The following MON2 variants were observed in gnomAD, a reference collection of about 807,000 sequenced individuals.
The protein encoded by MON2 is protein MON2 homolog.
MON2 carries 84 observed loss-of-function variants against 208.6 expected under a neutral mutation model. The observed-to-expected ratio is 0.40, with a 90% confidence interval of 0.34 to 0.48. MON2 has a LOEUF of 0.48. Ranked by LOEUF, MON2 falls within the 20% of genes least tolerant of loss-of-function variation. MON2 has a pLI of 0.59. For synonymous variants in MON2, 660 were observed against 694.0 expected (o/e 0.95, Z 0.77); for missense variants, 1,611 against 2,015.4 (o/e 0.80, Z 3.84).
chr12:62,573,014 A>G (rs1039572679), intron 30 of MON2, among the ~76,000 whole-genome samples: 4 of 152,182 alleles, frequency 2.6e-5, no homozygotes, highest in Non-Finnish European at 2.9e-5. Context: ...ATTAACTTGC[A>G]TTTTCCCAGT....
chr12:62,546,362 A>T (rs2073482948), intron 21 of MON2, among the ~76,000 whole-genome samples: 1 of 152,202 alleles, frequency 6.6e-6, no homozygotes, highest in Admixed American at 6.5e-5. Context: ...TTTATCTAAA[A>T]TCTAACATCT....
At chr12:62,588,632 T>A (rs2075296718) in intron 34 of MON2, among the ~76,000 whole-genome samples, 1 of 152,180 alleles carries the variant, frequency 6.6e-6, no homozygotes, top group African/African-American at 2.4e-5. Context: ...CCGGAAATGA[T>A]TTTTCCATAG....
chr12:62,494,071 C>T (rs751646571), intron 3 of MON2, 29 bp downstream of exon 3: 14 of 1,582,218 alleles, frequency 8.8e-6, no homozygotes, highest in South Asian at 1.1e-5. Context: ...CTAAACTTCA[C>T]CTAAGAGTTG....
Position 62,543,196 on chromosome 12 carries a change from G to A in MON2, c.2464G>A (p.Glu822Lys). The change falls in exon 20 of 35, where the codon GAG (glutamate) becomes AAG (lysine). Residue 822 changes from glutamate (E) to lysine (K), a missense_variant and splice_region_variant. Physicochemically the swap from Glu to Lys is moderately conservative, Grantham distance 56. Transcript: ENST00000393630. ...LWRPLTGHLLEVCQHPNSRMR... is the reference protein window; with the variant it reads ...LWRPLTGHLLKVCQHPNSRMR... ...GAGACCTCTGACTGGCCATCTACTT[G>A]AGGTAAATTCTCTTTCTTAAATATA... The A allele has an allele frequency of 1.3e-6, 2 of 1,491,584 alleles. No homozygotes were observed. Among genetic ancestry groups the A allele is most frequent in the Non-Finnish European group, 1.8e-6 (2 of 1,106,314 alleles). 92.4% of individuals were successfully genotyped at this position (1,491,584 alleles called of 1,614,324 possible). A position where few individuals can be genotyped will look rare whatever the true frequency, so the allele number is the denominator to read the frequency against.
rs746068741 is a variant in MON2 at position 62,556,227 on chromosome 12, T to G, written c.3409+35T>G. 5.0e-6 allele frequency: 8 copies of G among 1,587,134 alleles called. No homozygotes were observed. The African/African-American group carries it at 9.5e-5, about 19-fold the overall frequency. ...CATTTTTTTCTGATTATACAAGTAA[T>G]TAATGTTAAAAGAAATTTGGAAAAT... On this transcript the variant is annotated intron_variant, in intron 25 of 34. Transcript: ENST00000393630.
chr12:62,477,924 G>A (rs2069184502), intron 1 of MON2, among the ~76,000 whole-genome samples: 1 of 152,186 alleles, frequency 6.6e-6, no homozygotes, highest in African/African-American at 2.4e-5. Flanking sequence ...GCCAAGGTTG[G>A]ATGTAGCCTG....
At chr12:62,540,145 A>G (rs1355578419) in intron 19 of MON2, among the ~76,000 whole-genome samples, 1 of 152,140 alleles carries the variant, frequency 6.6e-6, no homozygotes, top group East Asian at 1.9e-4. Flanking sequence ...TTATATGGTA[A>G]TGTTTTCAGA....
At chr12:62,566,278 A>G in intron 28 of MON2, 44 bp from the exon 29 acceptor site, 2 of 1,582,778 alleles carry the variant, frequency 1.3e-6, no homozygotes, top group African/African-American at 1.4e-5. Context: ...GATTAATTTA[A>G]TCTCAGTTTA....
At chr12:62,480,002 T>C (rs984604155) in intron 1 of MON2, among the ~76,000 whole-genome samples, 1 of 152,206 alleles carries the variant, frequency 6.6e-6, no homozygotes, top group African/African-American at 2.4e-5. Context: ...AGATATAGGC[T>C]AGTCTTATTT....
intron 30 of MON2, among the ~76,000 whole-genome samples, chr12:62,577,842 T>C (rs2074848151): frequency 6.6e-6 from 1 of 152,210 alleles, no homozygotes; most frequent in South Asian, 2.1e-4. Context: ...TATGTCCATT[T>C]TACTGTTCAC....
intron 24 of MON2, among the ~76,000 whole-genome samples, chr12:62,554,201 T>C (rs533839938): frequency 2.3e-4 from 35 of 152,350 alleles, no homozygotes; most frequent in Middle Eastern, 6.8e-3. Flanking sequence ...TTCTTAATGA[T>C]TTTTTTCTCA....
intron 25 of MON2, among the ~76,000 whole-genome samples, chr12:62,558,571 T>C (rs2074082268): frequency 6.6e-6 from 1 of 152,214 alleles, no homozygotes. Flanking sequence ...TTTTAAACTT[T>C]GATGGCAACA....
intron 3 of MON2, among the ~76,000 whole-genome samples, 177 bp from the exon 4 acceptor site, chr12:62,494,839 G>T (rs2070383399): frequency 6.6e-6 from 1 of 152,126 alleles, no homozygotes; most frequent in Non-Finnish European, 1.5e-5. Context: ...AGAATTGATT[G>T]TAAGTCCTAA....
At chr12:62,551,907 G>A (rs1271615809) in intron 23 of MON2, among the ~76,000 whole-genome samples, 6 of 152,090 alleles carry the variant, frequency 3.9e-5, no homozygotes, top group South Asian at 4.2e-4. Context: ...CTCTTCCTAC[G>A]TTCAGCTCTT....
In MON2 at chr12:62,493,907, A is replaced by G; in HGVS notation, c.176-8A>G. 1.3e-6 allele frequency: 2 copies of G among 1,546,612 alleles called. No homozygotes were observed. Among genetic ancestry groups the G allele is most frequent in the Non-Finnish European group, 1.8e-6 (2 of 1,141,610 alleles). ...TAATAATTTACTTTATATGTGTTCT[A>G]AATGAAGCACTGAAAGAGAACAGCT... On this transcript the variant is annotated splice_region_variant and splice_polypyrimidine_tract_variant and intron_variant, in intron 2 of 34. Transcript: ENST00000393630.
At chr12:62,574,372 TTTTG>T (rs1201259458) in intron 30 of MON2, among the ~76,000 whole-genome samples, 1 of 151,910 alleles carries the variant, frequency 6.6e-6, no homozygotes, top group African/African-American at 2.4e-5. Context: ...ATTTGGAGGT[TTTTG>T]TTTGTTTTTG....
intron 21 of MON2, chr12:62,545,480 C>T (rs958413980): frequency 1.3e-5 from 2 of 151,944 alleles, no homozygotes; most frequent in East Asian, 3.9e-4. Flanking sequence ...TTTGTCCTGA[C>T]TCTCTATTAT....
At chr12:62,511,861 G>T (rs981689908) in intron 8 of MON2, among the ~76,000 whole-genome samples, 40 of 152,304 alleles carry the variant, frequency 2.6e-4, no homozygotes, top group African/African-American at 9.1e-4. Context: ...CCGAGACTGG[G>T]CAATTTACAA....
At chr12:62,570,554 G>T (rs978644318) in intron 29 of MON2, among the ~76,000 whole-genome samples, 4 of 151,882 alleles carry the variant, frequency 2.6e-5, no homozygotes, top group African/African-American at 9.7e-5. Flanking sequence ...ACATCATAGT[G>T]TACTTACACA....
Sources: allele counts gnomAD v4.1 joint callset (sites outside exome capture counted in the v4.1 genomes callset), GRCh38; gene constraint gnomAD v4.1.1; transcripts MANE v1.5; gene names NCBI Gene and HGNC (gene_info 2026-07-23, HGNC 2026-07-21).